Variants in TOP1MT observed in about 807,000 individuals in gnomAD.
The protein encoded by TOP1MT is DNA topoisomerase I mitochondrial.
TOP1MT carries 80 observed loss-of-function variants against 73.9 expected under a neutral mutation model. The observed-to-expected ratio is 1.08, with a 90% confidence interval of 0.90 to 1.30. The LOEUF (loss-of-function observed/expected upper bound fraction) is 1.30. TOP1MT is among the 50% of genes most tolerant of loss of function. TOP1MT has a pLI of 0.00. For synonymous variants in TOP1MT, 338 were observed against 326.4 expected, an observed-to-expected ratio of 1.04 and a Z score of -0.38; for missense variants, 815 against 808.0, an observed-to-expected ratio of 1.01 and a Z score of -0.10.
intron 3 of TOP1MT, 31 bp downstream of exon 3, chr8:143,329,319 G>A (rs1158741945): frequency 1.3e-6 from 2 of 1,577,954 alleles, no homozygotes. Context: ...CCAGGTCCAG[G>A]ACAGCTGTGG....
upstream of TOP1MT, among the ~76,000 whole-genome samples, chr8:143,359,702 G>A (rs2931713): frequency 6.6e-6 from 1 of 152,252 alleles, no homozygotes; most frequent in Non-Finnish European, 1.5e-5. Flanking sequence ...GAGGGGACAC[G>A]TTGGTGGCGT....
rs1230467459 is a variant in TOP1MT at position 143,342,781 on chromosome 8, A to ATTAT, written c.29+435_29+438dup. 5.5e-4 allele frequency among the ~76,000 whole-genome samples: 79 copies of ATTAT among 144,786 alleles called. 6 individuals carry two copies. The highest frequency in any genetic ancestry group is 9.2e-5 in the Non-Finnish European group (6 of 65,496). 95.0% of individuals were successfully genotyped at this position (144,786 alleles called of 152,430 possible). On this transcript the variant is annotated intron_variant, in intron 2 of 5. Transcript: ENST00000518007. ...ATTAGAGACAGAGTCTTGCTCTATT[A>ATTAT]TTATTATTATTATTATTATTAGAGA...
chr8:143,333,941 G>A (rs77183228), intron 1 of TOP1MT: 25,311 of 152,428 alleles, frequency 0.17, 2,659 homozygotes, highest in South Asian at 0.3. Context: ...CAGGCAGACA[G>A]GACATTTCTG....
chr8:143,311,519 G>A (rs779185752), intron 12 of TOP1MT, among the ~76,000 whole-genome samples: 38 of 152,166 alleles, frequency 2.5e-4, no homozygotes, highest in Non-Finnish European at 4.1e-4. Context: ...AGGCCGAGGC[G>A]GGTGGATCAC....
At chr8:143,334,915 C>G, upstream of TOP1MT, 2 of 1,303,702 alleles carry the variant, frequency 1.5e-6, no homozygotes. Flanking sequence ...GCGGCCAGCC[C>G]CGCCCCGCCC....
At chr8:143,330,154 G>A (rs1816813535) in intron 2 of TOP1MT, among the ~76,000 whole-genome samples, 1 of 152,234 alleles carries the variant, frequency 6.6e-6, no homozygotes, top group African/African-American at 2.4e-5. Flanking sequence ...CAGAGGACGA[G>A]AGGCCCAGAG....
rs146612834 is a variant in TOP1MT, at chr8:143,350,311, T to G, written c.-39+5654A>C. Reference sequence around the variant, plus strand: ...GAACACAACCACTATACACCATCACTCTTTCTTTCTTTTCACTTTTCTTTT... The same window carrying G: ...GAACACAACCACTATACACCATCACGCTTTCTTTCTTTTCACTTTTCTTTT... On this transcript the variant is annotated intron_variant, in intron 1 of 5. Coordinates refer to the TOP1MT transcript ENST00000518760. 1.6e-4 allele frequency: 24 copies of G among 152,234 alleles called. No individual in the cohort carries two copies. In the East Asian group the frequency reaches 4.2e-3, roughly 27 times the overall value. 9.4% of individuals were successfully genotyped at this position (152,234 alleles called of 1,614,324 possible). A position where few individuals can be genotyped will look rare whatever the true frequency, so the allele number is the denominator to read the frequency against.
rs186563195 is a variant in TOP1MT at position 143,329,043 on chromosome 8, C to T, written c.360+307G>A. On this transcript the variant is annotated intron_variant, in intron 3 of 13. Transcript: ENST00000329245. Reference sequence around the variant, plus strand: ...ATATGCCAGACCCCTGTCCTTTCAGCGGTCCATGGAGTAAGGACCACAAAT... The same window carrying T: ...ATATGCCAGACCCCTGTCCTTTCAGTGGTCCATGGAGTAAGGACCACAAAT... 1.7e-3 allele frequency among the ~76,000 whole-genome samples: 255 copies of T among 152,292 alleles called. 1 individual carries two copies. The highest frequency in any genetic ancestry group is 4.8e-3 in the Admixed American group (73 of 15,304).
In TOP1MT at chr8:143,342,639, CTCTAT is replaced by C. The variant is rs1300191478; in HGVS notation, c.29+576_29+580del. ...ATTATTATTATTAGAGACAGTCTCGCTCTATTATTATTATTATTATTAGAGACAGT... is the reference window on the plus strand; with the variant it reads ...ATTATTATTATTAGAGACAGTCTCGCTATTATTATTATTATTAGAGACAGT... On this transcript the variant is annotated intron_variant, in intron 2 of 5. Transcript: ENST00000518007. 2.4e-4 allele frequency among the ~76,000 whole-genome samples: 6 copies of C among 25,348 alleles called. 1 individual carries two copies. Among genetic ancestry groups the C allele is most frequent in the East Asian group, 9.4e-4 (1 of 1,066 alleles). 16.6% of individuals were successfully genotyped at this position (25,348 alleles called of 152,430 possible).
chr8:143,343,181 A>C (rs755808271), intron 2 of TOP1MT: 2 of 456,196 alleles, frequency 4.4e-6, no homozygotes, highest in Non-Finnish European at 8.8e-6. Context: ...GCTTATCAGA[A>C]TCATGTTCAC....
chr8:143,326,435 T>A, intron 3 of TOP1MT, 91 bp from the exon 4 acceptor site: 2 of 1,563,856 alleles, frequency 1.3e-6, no homozygotes, highest in Non-Finnish European at 8.7e-7. Flanking sequence ...AAACGCGCTC[T>A]CGCCATGTCC....
At chr8:143,331,073 G>T in intron 2 of TOP1MT, 151 bp downstream of exon 2, 1 of 563,522 alleles carries the variant, frequency 1.8e-6, no homozygotes, top group Non-Finnish European at 3.1e-6. Context: ...TTGGTCAGCA[G>T]CCCCCACGCA....
intron 8 of TOP1MT, among the ~76,000 whole-genome samples, chr8:143,318,525 C>T (rs1816239749): frequency 6.6e-6 from 1 of 152,224 alleles, no homozygotes; most frequent in African/African-American, 2.4e-5. Flanking sequence ...TAATTCCCTT[C>T]TGGAAAGACC....
In TOP1MT at chr8:143,321,067, G is replaced by A. The variant is rs569709206; in HGVS notation, c.1146+134C>T. On this transcript the variant is annotated intron_variant, in intron 8 of 13. Coordinates refer to ENST00000329245, the MANE Select transcript of TOP1MT (RefSeq NM_052963.3). Reference sequence around the variant, plus strand: ...CTTCACCTTTACCCCGATCAGCCCCGGCACAGCAGGCCTCACCCAGCAGGC... The same window carrying A: ...CTTCACCTTTACCCCGATCAGCCCCAGCACAGCAGGCCTCACCCAGCAGGC... 4.0e-5 allele frequency: 36 copies of A among 896,324 alleles called. 1 individual carries two copies. The highest frequency in any genetic ancestry group is 2.9e-4 in the Middle Eastern group (1 of 3,506). The allele number at this position is 896,324 out of a possible 1,614,324, so 55.5% of individuals were successfully genotyped here. A position where few individuals can be genotyped will look rare whatever the true frequency, so the allele number is the denominator to read the frequency against.
At chr8:143,310,238 C>T (rs758099470) in intron 12 of TOP1MT, 21 bp from the exon 13 acceptor site, 29 of 1,483,460 alleles carry the variant, frequency 2.0e-5, no homozygotes, top group South Asian at 9.4e-5. Context: ...AAGAGGAGGC[C>T]GCGAGGCCCC....
intron 7 of TOP1MT, among the ~76,000 whole-genome samples, chr8:143,323,149 CACGCCACACAGGCACGCCACA>C (rs1245618888): frequency 3.8e-5 from 4 of 104,670 alleles, no homozygotes; most frequent in African/African-American, 1.3e-4. Context: ...CACACACAGG[CACGCCACACAGGCACGCCACA>C]CACACAGGCA....
Position 143,323,981 on chromosome 8 carries a change from A to AG in TOP1MT, c.960+17dup, listed in dbSNP as rs745429425. On this transcript the variant is annotated intron_variant, in intron 7 of 13. Transcript: ENST00000329245. ...GAACCAGGATGAAGAGCCGCCAGGA[A>AG]GCGAGAAGGCCGCATACCTTATCGA... 6 of 1,610,594 alleles carry AG rather than the reference A, an allele frequency of 3.7e-6. No homozygotes were observed. The South Asian group carries it at 4.4e-5, about 12-fold the overall frequency.
At position 143,324,043 on chromosome 8, in the gene TOP1MT, T is replaced by G. The variant is rs1380093396; in HGVS notation, c.916A>C (p.Met306Leu). 1.9e-6 allele frequency: 3 copies of G among 1,613,746 alleles called. No individual in the cohort carries two copies. The highest frequency in any genetic ancestry group is 2.7e-5 in the African/African-American group (2 of 74,948). ...QYRADWKSRE[M>L]KTRQRAVALY... ...GCCACCGCCCGCTGTCTCGTCTTCATTTCCCGAGACTTCCAGTCAGCCCGG... is the reference window on the plus strand; with the variant it reads ...GCCACCGCCCGCTGTCTCGTCTTCAGTTCCCGAGACTTCCAGTCAGCCCGG... The change falls in exon 7 of 14, where the codon ATG (methionine) becomes CTG (leucine). Residue 306 changes from methionine (M) to leucine (L), a missense_variant. This residue lies in a region of TOP1MT where 751 missense variants were observed against 725.4 expected (regional missense o/e 1.04). Transcript: ENST00000329245.
upstream of TOP1MT, among the ~76,000 whole-genome samples, chr8:143,338,497 G>A (rs1817020343): frequency 6.6e-6 from 1 of 151,912 alleles, no homozygotes; most frequent in East Asian, 1.9e-4. Flanking sequence ...AACCCGGGAG[G>A]TGGAGGCTGT....
Sources: gnomAD v4.1 joint callset for allele counts (sites outside exome capture counted in the v4.1 genomes callset) on GRCh38, gnomAD v4.1.1 for gene constraint, gnomAD v4.1.1 regional missense constraint, MANE v1.5 for transcripts, NCBI Gene and HGNC (gene_info 2026-07-23, HGNC 2026-07-21) for gene names.